The following CERS3 variants were observed in gnomAD, a reference collection of about 807,000 sequenced individuals.
The protein encoded by CERS3 is ceramide synthase 3.
A neutral mutation model predicts 50.3 loss-of-function variants in CERS3; 33 were observed. That is an observed-to-expected ratio of 0.66 (90% CI 0.50 to 0.88). The LOEUF (loss-of-function observed/expected upper bound fraction) is 0.88, where lower values mean the gene tolerates loss of function less well. Ranked by LOEUF, CERS3 falls within the 40% of genes least tolerant of loss-of-function variation. The probability of loss-of-function intolerance (pLI) is 0.00; values close to 1 mark genes in which losing one functional copy is unlikely to be tolerated. For synonymous variants in CERS3, 176 were observed against 155.2 expected (o/e 1.13, Z -0.99); for missense variants, 470 against 460.3 (o/e 1.02, Z -0.19).
At chr15:100,417,047 C>T (rs144211933) in intron 11 of CERS3, among the ~76,000 whole-genome samples, 118 of 152,248 alleles carry the variant, frequency 7.8e-4, no homozygotes, top group African/African-American at 2.4e-3. Context: ...CCAGTCAGAA[C>T]GGCTATGAAT....
chr15:100,452,579 G>A (rs1381541989), intron 11 of CERS3, among the ~76,000 whole-genome samples: 1 of 152,044 alleles, frequency 6.6e-6, no homozygotes, highest in African/African-American at 2.4e-5. Flanking sequence ...AAAAAATCTA[G>A]TGATGCACTT....
At chr15:100,478,995 C>A (rs72759123) in intron 7 of CERS3, among the ~76,000 whole-genome samples, 6,280 of 151,832 alleles carry the variant, frequency 0.041, 178 homozygotes, top group Non-Finnish European at 0.055. Flanking sequence ...GTAAGAACAC[C>A]GATTTGTATC....
upstream of CERS3, among the ~76,000 whole-genome samples, chr15:100,533,124 G>C (rs938831314): frequency 2.6e-5 from 4 of 152,202 alleles, no homozygotes; most frequent in African/African-American, 7.2e-5. Context: ...AAACTGAGGA[G>C]AAGACCCTCT....
Position 100,478,203 on chromosome 15 carries a change from T to C in CERS3, c.516+1225A>G, listed in dbSNP as rs560529310. Among the ~76,000 whole-genome samples the C allele has an allele frequency of 7.2e-5, 11 of 152,164 alleles. 1 individual carries two copies. In the East Asian group the frequency reaches 1.9e-3, roughly 27 times the overall value. On this transcript the variant is annotated intron_variant, in intron 7 of 11. Transcript: ENST00000679737. Reference sequence around the variant, plus strand: ...AAAAAATAAAATAAAAATTTGAGAATCAAAAAATATAATAACTGAAATTGA... The same window carrying C: ...AAAAAATAAAATAAAAATTTGAGAACCAAAAAATATAATAACTGAAATTGA...
At chr15:100,505,578 C>A (rs945268259) in intron 2 of CERS3, among the ~76,000 whole-genome samples, 1 of 152,218 alleles carries the variant, frequency 6.6e-6, no homozygotes, top group African/African-American at 2.4e-5. Context: ...ATTAAGAACC[C>A]ATTCTTCACA....
intron 4 of CERS3, among the ~76,000 whole-genome samples, chr15:100,487,654 A>G (rs2654631): frequency 0.78 from 119,176 of 152,126 alleles, 48,378 homozygotes; most frequent in East Asian, 0.92. Context: ...GGAGTGCTGA[A>G]TGGGGCCAAG....
chr15:100,411,969 G>T (rs910515513), intron 11 of CERS3, among the ~76,000 whole-genome samples: 1 of 152,086 alleles, frequency 6.6e-6, no homozygotes, highest in Non-Finnish European at 1.5e-5. Context: ...TTGGAGTTTT[G>T]TTGCTGCTGA....
At chr15:100,480,430 AATAAGTTTAATTATTTCTCTTATCCCC>A (rs2035263149) in intron 5 of CERS3, among the ~76,000 whole-genome samples, 1 of 152,184 alleles carries the variant, frequency 6.6e-6, no homozygotes, top group African/African-American at 2.4e-5. Flanking sequence ...GAAGGAACCT[AATAAGTTTAATTATTTCTCTTATCCCC>A]ATTTAATTCC....
At chr15:100,423,018 A>T (rs1401810240) in intron 11 of CERS3, among the ~76,000 whole-genome samples, 1 of 151,322 alleles carries the variant, frequency 6.6e-6, no homozygotes, top group Non-Finnish European at 1.5e-5. Flanking sequence ...GCACACCAGC[A>T]TGGCACATGT....
chr15:100,432,806 G>A (rs2033202263), intron 11 of CERS3, among the ~76,000 whole-genome samples: 1 of 152,190 alleles, frequency 6.6e-6, no homozygotes, highest in Non-Finnish European at 1.5e-5. Context: ...CAGAAACAGA[G>A]TCACGGAAGA....
chr15:100,539,518 T>C (rs1457442259), intron 1 of CERS3, among the ~76,000 whole-genome samples: 3 of 152,152 alleles, frequency 2.0e-5, no homozygotes, highest in Admixed American at 2.0e-4. Context: ...GGCACTTTCT[T>C]CACAAGGCAG....
chr15:100,414,819 T>A (rs1359531463), intron 11 of CERS3, among the ~76,000 whole-genome samples: 16 of 141,228 alleles, frequency 1.1e-4, no homozygotes, highest in East Asian at 2.1e-4. Flanking sequence ...CCAAAATGAT[T>A]AAAAAAAAAA....
At chr15:100,422,897 G>C (rs1480614593) in intron 11 of CERS3, among the ~76,000 whole-genome samples, 2 of 133,140 alleles carry the variant, frequency 1.5e-5, no homozygotes, top group Non-Finnish European at 3.1e-5. Context: ...AGATCACATG[G>C]ACACAGGAAG....
intron 11 of CERS3, among the ~76,000 whole-genome samples, chr15:100,416,622 G>T (rs2031929737): frequency 6.6e-6 from 1 of 152,172 alleles, no homozygotes; most frequent in African/African-American, 2.4e-5. Context: ...ATGGCAGCAG[G>T]AGAGAGAAGA....
chr15:100,522,623 T>C (rs1250624957), intron 1 of CERS3, among the ~76,000 whole-genome samples: 2 of 152,222 alleles, frequency 1.3e-5, no homozygotes, highest in Admixed American at 6.5e-5. Flanking sequence ...TCTATGTTGT[T>C]GCATGTAACA....
At position 100,456,190 on chromosome 15, in the gene CERS3, G is replaced by A. The variant is rs2014940; in HGVS notation, c.846-144C>T. On this transcript the variant is annotated intron_variant, in intron 10 of 11. Transcript: ENST00000679737. ...AGAAAATTATCAAAAGAAAAGATACGATAATATTATCTTAAATATCATTAC... is the reference window on the plus strand; with the variant it reads ...AGAAAATTATCAAAAGAAAAGATACAATAATATTATCTTAAATATCATTAC... 484,955 of 487,918 alleles carry A rather than the reference G, an allele frequency of 0.99. 241,065 individuals carry two copies. The highest frequency in any genetic ancestry group is 1 in the East Asian group (29,408 of 29,408). The allele number at this position is 487,918 out of a possible 1,614,324, so 30.2% of individuals were successfully genotyped here.
At position 100,481,112 on chromosome 15, in the gene CERS3, T is replaced by C. The variant is rs761948831; in HGVS notation, c.408-1066A>G. 5.3e-5 allele frequency among the ~76,000 whole-genome samples: 8 copies of C among 152,318 alleles called. No homozygotes were observed. In the South Asian group the frequency reaches 8.3e-4, roughly 16 times the overall value. ...TGCTTTCCTTGACACACCTGTAAGATAGGACATAGGAATGTAGATAAATAC... is the reference window on the plus strand; with the variant it reads ...TGCTTTCCTTGACACACCTGTAAGACAGGACATAGGAATGTAGATAAATAC... On this transcript the variant is annotated intron_variant, in intron 5 of 11. Coordinates refer to ENST00000679737, the MANE Select transcript of CERS3 (RefSeq NM_001378789.1).
Position 100,463,542 on chromosome 15 carries a change from G to C in CERS3, c.845+5836C>G, listed in dbSNP as rs369990070. ...ATTCTAGGATTCTATGGTTTGAAGA[G>C]GGGTGATTGTTGTAGCTGTTCTTCG... On this transcript the variant is annotated intron_variant, in intron 10 of 11. Transcript: ENST00000679737. 2.0e-5 allele frequency among the ~76,000 whole-genome samples: 3 copies of C among 152,064 alleles called. No homozygotes were observed. In the East Asian group the frequency reaches 5.8e-4, roughly 29 times the overall value.
upstream of CERS3, among the ~76,000 whole-genome samples, chr15:100,532,574 TGGG>T (rs2036964001): frequency 2.0e-5 from 3 of 151,356 alleles, no homozygotes; most frequent in South Asian, 6.3e-4. Context: ...AAGACCAGAC[TGGG>T]CAAGATGGCA....
Sources: allele counts gnomAD v4.1 joint callset (sites outside exome capture counted in the v4.1 genomes callset), GRCh38; gene constraint gnomAD v4.1.1; transcripts MANE v1.5; gene names NCBI Gene and HGNC (gene_info 2026-07-23, HGNC 2026-07-21).